AFG3L2: variants seen among roughly 807,000 people sequenced by gnomAD.
AFG3L2 encodes mitochondrial inner membrane m-AAA protease component AFG3L2.
Under a neutral mutation model 94.5 loss-of-function variants are expected in AFG3L2, and 54 were observed. The observed-to-expected ratio is 0.57, with a 90% confidence interval of 0.46 to 0.72. The LOEUF is 0.72. AFG3L2 is among the 30% of genes least tolerant of loss of function. The pLI is 0.00. For missense variants in AFG3L2, 754 were observed against 994.9 expected (o/e 0.76, Z 3.26); for synonymous variants, 377 against 365.5 (o/e 1.03, Z -0.36).
At chr18:12,363,501 T>C (rs1908720333) in intron 6 of AFG3L2, among the ~76,000 whole-genome samples, 2 of 152,198 alleles carry the variant, frequency 1.3e-5, no homozygotes, top group Non-Finnish European at 2.9e-5. Context: ...TCACAGACTA[T>C]TCTGGAATAC....
chr18:12,358,633 A>G, intron 8 of AFG3L2, 37 bp downstream of exon 8: 2 of 1,596,076 alleles, frequency 1.3e-6, no homozygotes, highest in Non-Finnish European at 1.7e-6. Context: ...AGAGATCAAG[A>G]AACATTTCAA....
intron 1 of AFG3L2, 70 bp from the exon 2 acceptor site, chr18:12,371,761 G>C: frequency 7.8e-7 from 1 of 1,274,082 alleles, no homozygotes; most frequent in African/African-American, 1.5e-5. Context: ...TTCATTTCCT[G>C]GTCATAAAGT....
At chr18:12,341,885 T>C (rs1395942351) in intron 14 of AFG3L2, 1 of 152,168 alleles carries the variant, frequency 6.6e-6, no homozygotes, top group African/African-American at 2.4e-5. Flanking sequence ...CTTCATTCTG[T>C]CCCCCAGGCT....
In AFG3L2 at chr18:12,370,904, A is replaced by T. The variant is rs754341810; in HGVS notation, c.237T>A (p.Asn79Lys). The T allele has an allele frequency of 6.4e-7, 1 of 1,574,462 alleles. No homozygotes were observed. The highest frequency in any genetic ancestry group is 1.7e-5 in the Admixed American group (1 of 58,466). Reference protein sequence around the residue: ...PPKGFEKYFPNGKNGKKASEP... With the variant: ...PPKGFEKYFPKGKNGKKASEP... Reference sequence around the variant, plus strand: ...CACTAGCTTTTTTTCCATTTTTTCCATTAGGAAAGTATTTTTCAAATCCTG... The same window carrying T: ...CACTAGCTTTTTTTCCATTTTTTCCTTTAGGAAAGTATTTTTCAAATCCTG... The change falls in exon 3 of 17, where the codon AAT (asparagine) becomes AAA (lysine). Residue 79 changes from asparagine (N) to lysine (K), a missense_variant. Transcript: ENST00000269143.
intron 6 of AFG3L2, among the ~76,000 whole-genome samples, chr18:12,362,015 T>G (rs1908676428): frequency 1.3e-5 from 2 of 152,344 alleles, no homozygotes; most frequent in South Asian, 4.1e-4. Context: ...AGCAGCATGT[T>G]AGAAATGCAG....
At chr18:12,365,418 C>T (rs1372779308) in intron 5 of AFG3L2, among the ~76,000 whole-genome samples, 1 of 152,102 alleles carries the variant, frequency 6.6e-6, no homozygotes, top group East Asian at 1.9e-4. Flanking sequence ...CATATAAGAT[C>T]CTCACTTTCA....
rs897336267 is a variant in AFG3L2 at position 12,377,213 on chromosome 18, G to T, written c.-131C>A. 2 of 710,766 alleles carry T rather than the reference G, an allele frequency of 2.8e-6. No individual in the cohort carries two copies. Among genetic ancestry groups the T allele is most frequent in the Non-Finnish European group, 2.3e-6 (1 of 443,540 alleles). The allele number at this position is 710,766 out of a possible 1,614,324, so 44.0% of individuals were successfully genotyped here. A position where few individuals can be genotyped will look rare whatever the true frequency, so the allele number is the denominator to read the frequency against. On this transcript the variant is annotated 5_prime_UTR_variant, in exon 1 of 17. Transcript: ENST00000269143. Reference sequence around the variant, plus strand: ...GCGAAGCGCGCCGGCGGCTCACGGAGGAGCCCAAGCTCTCAACGCGGCGTC... The same window carrying T: ...GCGAAGCGCGCCGGCGGCTCACGGATGAGCCCAAGCTCTCAACGCGGCGTC...
chr18:12,374,719 C>T (rs375518134), intron 1 of AFG3L2, among the ~76,000 whole-genome samples: 2 of 152,244 alleles, frequency 1.3e-5, no homozygotes, highest in East Asian at 3.9e-4. Context: ...CAATGCAGAT[C>T]CCCACCTGGA....
intron 8 of AFG3L2, 36 bp from the exon 9 acceptor site, chr18:12,356,867 A>G (rs768371316): frequency 3.1e-6 from 5 of 1,605,520 alleles, no homozygotes; most frequent in Non-Finnish European, 4.3e-6. Flanking sequence ...ATTTAATGAG[A>G]ATTCCAGAAA....
intron 5 of AFG3L2, among the ~76,000 whole-genome samples, chr18:12,364,537 T>TGCTCTATAGGACATAGCCTATC (rs1291035566): frequency 6.6e-6 from 1 of 152,242 alleles, no homozygotes; most frequent in Non-Finnish European, 1.5e-5. Flanking sequence ...ACATTATTAT[T>TGCTCTATAGGACATAGCCTATC]GCTCTATAGG....
At chr18:12,333,034 A>ATATACAATCTAT (rs1260928402) in intron 16 of AFG3L2, among the ~76,000 whole-genome samples, 23 of 60,618 alleles carry the variant, frequency 3.8e-4, no homozygotes, top group South Asian at 2.6e-3. Context: ...ATATATAAAA[A>ATATACAATCTAT]TATATAATCT....
intron 5 of AFG3L2, 61 bp downstream of exon 5, chr18:12,366,904 G>A: frequency 3.8e-6 from 6 of 1,595,228 alleles, no homozygotes; most frequent in Non-Finnish European, 5.2e-6. Flanking sequence ...CACTTCTTTG[G>A]TCTAATCTGA....
intron 9 of AFG3L2, 31 bp from the exon 10 acceptor site, chr18:12,353,189 C>A (rs1214717553): frequency 6.2e-7 from 1 of 1,612,604 alleles, no homozygotes; most frequent in Non-Finnish European, 8.5e-7. Flanking sequence ...AGTCACCTGA[C>A]CAGAGAATAT....
chr18:12,334,061 GT>G (rs5823208), intron 16 of AFG3L2, among the ~76,000 whole-genome samples: 16,581 of 152,304 alleles, frequency 0.11, 1,028 homozygotes, highest in East Asian at 0.21. Context: ...GTACACAGGT[GT>G]TGGGTGAATG....
chr18:12,344,387 A>C, intron 13 of AFG3L2, 140 bp from the exon 14 acceptor site: 2 of 728,622 alleles, frequency 2.7e-6, no homozygotes, highest in Non-Finnish European at 4.8e-6. Flanking sequence ...AAAAATTCCT[A>C]ATCAAGGCCA....
chr18:12,329,335 A>G lies in AFG3L2; in HGVS notation c.*230T>C, dbSNP rs577014991. On this transcript the variant is annotated 3_prime_UTR_variant, in exon 17 of 17. Transcript: ENST00000269143. The stretch of plus-strand genomic sequence containing the variant: ...CCTTTCCAGCACGTCTGGGAGCCCA[A>G]TGAGGCTATGGGACAGTGTGCATTT... The G allele has an allele frequency of 1.5e-5, 10 of 672,756 alleles. No individual in the cohort carries two copies. The highest frequency in any genetic ancestry group is 6.5e-5 in the Admixed American group (3 of 46,192). 41.7% of individuals were successfully genotyped at this position (672,756 alleles called of 1,614,324 possible). A position where few individuals can be genotyped will look rare whatever the true frequency, so the allele number is the denominator to read the frequency against.
rs192651768 is a variant in AFG3L2, at chr18:12,376,321, C to T, written c.114+648G>A. Among the ~76,000 whole-genome samples the T allele has an allele frequency of 2.0e-3, 306 of 152,308 alleles. 4 individuals carry two copies. Among genetic ancestry groups the T allele is most frequent in the Non-Finnish European group, 2.6e-4 (18 of 68,038 alleles). ...AACCTTTCATTGAGACTGATCACGGCCATGGTTCTGTCAACACTCTATCAT... is the reference window on the plus strand; with the variant it reads ...AACCTTTCATTGAGACTGATCACGGTCATGGTTCTGTCAACACTCTATCAT... On this transcript the variant is annotated intron_variant, in intron 1 of 16. Transcript: ENST00000269143.
rs1187621365 is a variant in AFG3L2 at position 12,370,910 on chromosome 18, A to G, written c.231T>C (p.Phe77=). 2 of 1,571,972 alleles carry G rather than the reference A, an allele frequency of 1.3e-6. No individual in the cohort carries two copies. The highest frequency in any genetic ancestry group is 2.2e-5 in the East Asian group (1 of 44,632). The part of the protein sequence containing the change: ...SRPPKGFEKY[F]PNGKNGKKAS... ...CTTTTTTTCCATTTTTTCCATTAGGAAAGTATTTTTCAAATCCTGTTAGAA... is the reference window on the plus strand; with the variant it reads ...CTTTTTTTCCATTTTTTCCATTAGGGAAGTATTTTTCAAATCCTGTTAGAA... Residue 77 remains phenylalanine (F), a synonymous_variant, in exon 3 of 17, where the codon TTT becomes TTC. Transcript: ENST00000269143.
chr18:12,359,985 C>T lies in AFG3L2; in HGVS notation c.694G>A (p.Glu232Lys). The part of the protein sequence containing the change: ...FERNLETLQQ[E>K]LGIEGENRVP... ...CGATTTTCTCCTTCTATGCCCAATTCCTGCTGTAAAGTTTCCAGATTCCGT... is the reference window on the plus strand; with the variant it reads ...CGATTTTCTCCTTCTATGCCCAATTTCTGCTGTAAAGTTTCCAGATTCCGT... The change falls in exon 7 of 17, where the codon GAA (glutamate) becomes AAA (lysine). Residue 232 changes from glutamate (E) to lysine (K), a missense_variant. Around this residue, in one of 4 missense-constraint regions of AFG3L2, gnomAD observed 130 missense variants for 175.1 expected, o/e 0.74. Coordinates refer to ENST00000269143, the MANE Select transcript of AFG3L2 (RefSeq NM_006796.3). The T allele has an allele frequency of 1.9e-6, 3 of 1,614,092 alleles. No individual in the cohort carries two copies. The highest frequency in any genetic ancestry group is 1.1e-5 in the South Asian group (1 of 91,082).
Sources: gnomAD v4.1 joint callset for allele counts (sites outside exome capture counted in the v4.1 genomes callset) on GRCh38, gnomAD v4.1.1 for gene constraint, gnomAD v4.1.1 regional missense constraint, MANE v1.5 for transcripts, NCBI Gene and HGNC (gene_info 2026-07-23, HGNC 2026-07-21) for gene names.